Variants in CNTNAP5 observed in about 807,000 individuals in gnomAD.
The protein encoded by CNTNAP5 is contactin-associated protein-like 5.
In CNTNAP5, 72 loss-of-function variants were observed where a neutral mutation model predicts 150.2. That is an observed-to-expected ratio of 0.48 (90% CI 0.40 to 0.58). The LOEUF is 0.58. Among genes scored for constraint, CNTNAP5 ranks in the 20% least tolerant of loss-of-function variants. The probability of loss-of-function intolerance (pLI) is 0.00; values close to 1 mark genes in which losing one functional copy is unlikely to be tolerated. For missense variants in CNTNAP5, 1,636 were observed against 1,626.2 expected (o/e 1.01, Z -0.10); for synonymous variants, 672 against 619.8 (o/e 1.08, Z -1.25).
At chr2:124,761,819 G>T (rs529998588) in intron 14 of CNTNAP5, among the ~76,000 whole-genome samples, 1 of 152,112 alleles carries the variant, frequency 6.6e-6, no homozygotes, top group Admixed American at 6.6e-5. Flanking sequence ...TCTTTCCTCT[G>T]TTATTTGGAA....
intron 3 of CNTNAP5, among the ~76,000 whole-genome samples, chr2:124,368,382 G>A (rs1023472169): frequency 1.3e-5 from 2 of 152,096 alleles, no homozygotes; most frequent in South Asian, 2.1e-4. Flanking sequence ...ATATTCAGAT[G>A]TGCTGCTCGG....
rs1048521837 is a variant in CNTNAP5 at position 124,603,042 on chromosome 2, C to T, written c.1757-6759C>T. ...CCCTCCCTCCCTTCTTTCCTTCCTA[C>T]CTTCCTTCCTTCCTTCTTCTTTTCT... is the stretch of plus-strand genomic sequence containing the variant. On this transcript the variant is annotated intron_variant, in intron 11 of 23. Coordinates refer to ENST00000682447, the MANE Select transcript of CNTNAP5 (RefSeq NM_001367498.1). Among the ~76,000 whole-genome samples, 4 of 136,056 alleles carry T rather than the reference C, an allele frequency of 2.9e-5. No homozygotes were observed. In the East Asian group the frequency reaches 1.1e-3, roughly 36 times the overall value. 89.3% of individuals were successfully genotyped at this position (136,056 alleles called of 152,430 possible).
At chr2:124,377,752 A>G (rs1183512661) in intron 3 of CNTNAP5, among the ~76,000 whole-genome samples, 1 of 152,056 alleles carries the variant, frequency 6.6e-6, no homozygotes, top group African/African-American at 2.4e-5. Flanking sequence ...CCTGGGGGAA[A>G]AAAAATAAAT....
chr2:124,210,116 T>C (rs1685968680), intron 1 of CNTNAP5, among the ~76,000 whole-genome samples: 1 of 152,224 alleles, frequency 6.6e-6, no homozygotes, highest in South Asian at 2.1e-4. Context: ...GTCATCTTTC[T>C]TATTTCCTGA....
At chr2:124,333,077 A>C (rs772371309) in intron 3 of CNTNAP5, among the ~76,000 whole-genome samples, 8 of 152,182 alleles carry the variant, frequency 5.3e-5, no homozygotes, top group Middle Eastern at 3.2e-3. Flanking sequence ...TTATAATTTT[A>C]ATCATGAGGC....
chr2:124,724,633 C>T (rs1401294476), intron 13 of CNTNAP5, among the ~76,000 whole-genome samples: 1 of 152,042 alleles, frequency 6.6e-6, no homozygotes, highest in Non-Finnish European at 1.5e-5. Flanking sequence ...TGCTTGAATA[C>T]ATTGGATGGA....
chr2:124,527,543 T>G, intron 10 of CNTNAP5, 87 bp downstream of exon 10: 2 of 1,066,472 alleles, frequency 1.9e-6, no homozygotes, highest in African/African-American at 3.2e-5. Context: ...AAAATTCTAA[T>G]CCACCGACAT....
intron 19 of CNTNAP5, among the ~76,000 whole-genome samples, chr2:124,805,868 A>C (rs1326792024): frequency 2.0e-5 from 3 of 152,174 alleles, no homozygotes; most frequent in Non-Finnish European, 2.9e-5. Context: ...AGAGAGAGAC[A>C]GAGGGGCTTT....
chr2:124,725,138 T>C (rs939202710), intron 13 of CNTNAP5, among the ~76,000 whole-genome samples: 1 of 152,118 alleles, frequency 6.6e-6, no homozygotes, highest in Admixed American at 6.5e-5. Context: ...CTCACTGATT[T>C]GTAAAATCTA....
In CNTNAP5 at chr2:124,545,607, G is replaced by A. The variant is rs950047090; in HGVS notation, c.1650-17610G>A. 7.9e-5 allele frequency among the ~76,000 whole-genome samples: 12 copies of A among 152,110 alleles called. No homozygotes were observed. The South Asian group carries it at 1.5e-3, about 18-fold the overall frequency. ...CAGTTTGCTTGCATGAGTCATTATC[G>A]TGGTGACTGTGGTCCTGGGAATCTG... On this transcript the variant is annotated intron_variant, in intron 10 of 23. Coordinates refer to ENST00000682447, the MANE Select transcript of CNTNAP5 (RefSeq NM_001367498.1).
chr2:124,148,767 G>A (rs559024482), intron 1 of CNTNAP5, among the ~76,000 whole-genome samples: 112 of 148,562 alleles, frequency 7.5e-4, no homozygotes, highest in African/African-American at 2.3e-3. Context: ...ATATATTTGC[G>A]TGTGCACATA....
At chr2:124,745,835 T>G (rs1295285089) in intron 13 of CNTNAP5, among the ~76,000 whole-genome samples, 1 of 152,158 alleles carries the variant, frequency 6.6e-6, no homozygotes, top group East Asian at 1.9e-4. Context: ...GTACCTTCTG[T>G]ATGTTTTTCT....
At position 124,551,682 on chromosome 2, in the gene CNTNAP5, G is replaced by A. The variant is rs186742114; in HGVS notation, c.1650-11535G>A. The stretch of plus-strand genomic sequence containing the variant: ...AAGAAGGAATGAGAATTCTTTAAAA[G>A]GGAGGTTACTCCATGGAGCATAAAT... On this transcript the variant is annotated intron_variant, in intron 10 of 23. Coordinates refer to ENST00000682447, the MANE Select transcript of CNTNAP5 (RefSeq NM_001367498.1). Among the ~76,000 whole-genome samples, 3 of 152,264 alleles carry A rather than the reference G, an allele frequency of 2.0e-5. No homozygotes were observed. In the East Asian group the frequency reaches 5.8e-4, roughly 29 times the overall value.
intron 1 of CNTNAP5, among the ~76,000 whole-genome samples, chr2:124,154,567 A>G (rs1016846759): frequency 2.3e-4 from 35 of 152,170 alleles, no homozygotes; most frequent in Non-Finnish European, 4.4e-5. Flanking sequence ...GTCCTGCCAC[A>G]TGATGGACAA....
intron 20 of CNTNAP5, among the ~76,000 whole-genome samples, chr2:124,869,331 T>A (rs1677696120): frequency 6.6e-6 from 1 of 152,152 alleles, no homozygotes; most frequent in African/African-American, 2.4e-5. Flanking sequence ...ATGTTAATCT[T>A]GCACAGCAAG....
chr2:124,656,000 A>G, intron 13 of CNTNAP5, among the ~76,000 whole-genome samples: 1 of 141,312 alleles, frequency 7.1e-6, no homozygotes, highest in Non-Finnish European at 1.6e-5. Flanking sequence ...AGAAAGAAAA[A>G]AGGAAGGAAG....
chr2:124,819,418 G>A (rs775895861), intron 19 of CNTNAP5, among the ~76,000 whole-genome samples: 28 of 151,914 alleles, frequency 1.8e-4, no homozygotes, highest in Admixed American at 2.0e-4. Flanking sequence ...AGTATGGGTC[G>A]GTTTGACCCC....
chr2:124,265,084 AG>A (rs1687570981), intron 3 of CNTNAP5, among the ~76,000 whole-genome samples: 1 of 152,228 alleles, frequency 6.6e-6, no homozygotes, highest in South Asian at 2.1e-4. Flanking sequence ...TGCTTTGGTT[AG>A]GAACATGTAA....
intron 1 of CNTNAP5, among the ~76,000 whole-genome samples, chr2:124,080,488 A>C (rs891048764): frequency 6.6e-6 from 1 of 152,182 alleles, no homozygotes; most frequent in Non-Finnish European, 1.5e-5. Flanking sequence ...GTGACTTTGA[A>C]CCGCTGCATG....
Sources: allele counts gnomAD v4.1 joint callset (sites outside exome capture counted in the v4.1 genomes callset), GRCh38; gene constraint gnomAD v4.1.1; transcripts MANE v1.5; gene names NCBI Gene and HGNC (gene_info 2026-07-23, HGNC 2026-07-21).